Variants in ZFTRAF1 observed in about 807,000 individuals in gnomAD.
The protein encoded by ZFTRAF1 is zinc finger TRAF-type-containing protein 1.
the ZFTRAF1 span, chr8:144,454,637 G>A: frequency 2.0e-5 from 3 of 152,330 alleles, no homozygotes; most frequent in African/African-American, 7.2e-5. Flanking sequence ...TCTTGAGAAT[G>A]GGATGTGGTG....
the ZFTRAF1 span, chr8:144,453,453 T>C: frequency 1.3e-6 from 2 of 1,549,310 alleles, no homozygotes; most frequent in Non-Finnish European, 1.7e-6. Flanking sequence ...CAAGTGACCA[T>C]TAGTACACTG....
the ZFTRAF1 span, among the ~76,000 whole-genome samples, chr8:144,461,074 T>A: frequency 6.6e-6 from 1 of 151,886 alleles, no homozygotes; most frequent in Non-Finnish European, 1.5e-5. Context: ...GGAGGGTGGG[T>A]TAGAGCCAGT....
the ZFTRAF1 span, chr8:144,450,446 T>C: frequency 5.6e-6 from 4 of 718,022 alleles, no homozygotes. Context: ...CTTGTTGCAC[T>C]CCACGGAGTC....
the ZFTRAF1 span, chr8:144,453,496 C>CT: frequency 6.6e-7 from 1 of 1,524,218 alleles, no homozygotes; most frequent in South Asian, 1.2e-5. Context: ...GCTCACAGAC[C>CT]TGCGGGCTCA....
At chr8:144,453,152 G>T in the ZFTRAF1 span, 2 of 1,390,160 alleles carry the variant, frequency 1.4e-6, no homozygotes, top group Non-Finnish European at 2.0e-6. Flanking sequence ...ACAGGGCCCT[G>T]CTGCACCAGG....
the ZFTRAF1 span, chr8:144,450,522 C>T: frequency 9.7e-6 from 7 of 718,378 alleles, no homozygotes; most frequent in Non-Finnish European, 1.6e-5. Flanking sequence ...TGGTAGATGA[C>T]GGGGCTGATC....
chr8:144,452,108 G>A, the ZFTRAF1 span: 1 of 552,068 alleles, frequency 1.8e-6, no homozygotes, highest in Non-Finnish European at 3.3e-6. Context: ...GGGTGGCGAG[G>A]ACAGGTGGGC....
chr8:144,462,777 C>G, the ZFTRAF1 span: 2 of 151,426 alleles, frequency 1.3e-5, no homozygotes, highest in Non-Finnish European at 3.0e-5. Flanking sequence ...GCTCCCTGCG[C>G]CGCCGCCTCA....
chr8:144,452,645 C>T, the ZFTRAF1 span: 4 of 1,373,932 alleles, frequency 2.9e-6, no homozygotes, highest in African/African-American at 1.4e-5. Context: ...TCCCATATGG[C>T]TTCCATCCAG....
the ZFTRAF1 span, among the ~76,000 whole-genome samples, chr8:144,459,548 G>A: frequency 2.6e-5 from 4 of 152,256 alleles, no homozygotes; most frequent in Non-Finnish European, 4.4e-5. Flanking sequence ...TACGGGCACA[G>A]GCCCATGGGT....
chr8:144,460,010 G>GC, the ZFTRAF1 span, among the ~76,000 whole-genome samples: 2 of 152,216 alleles, frequency 1.3e-5, no homozygotes, highest in African/African-American at 4.8e-5. Flanking sequence ...GCAGAAGGCA[G>GC]CATGTGGGGG....
chr8:144,452,351 C>T, the ZFTRAF1 span: 21 of 1,547,498 alleles, frequency 1.4e-5, no homozygotes, highest in South Asian at 3.6e-5. Flanking sequence ...GGCGGCGGGG[C>T]GCCTCACCTG....
At chr8:144,455,956 A>C in the ZFTRAF1 span, 1 of 152,286 alleles carries the variant, frequency 6.6e-6, no homozygotes, top group Non-Finnish European at 1.5e-5. Flanking sequence ...TGGGGCCTCC[A>C]GATCCCAGCA....
At chr8:144,450,233 G>A in the ZFTRAF1 span, 1 of 607,892 alleles carries the variant, frequency 1.6e-6, no homozygotes, top group Admixed American at 2.7e-5. Context: ...GCGCACGCAT[G>A]CAGACTTGCC....
chr8:144,456,808 G>T, the ZFTRAF1 span: 1 of 150,870 alleles, frequency 6.6e-6, no homozygotes, highest in Non-Finnish European at 1.5e-5. Context: ...CATCACATGG[G>T]GGGATGACAT....
chr8:144,462,396 C>A, the ZFTRAF1 span: 1 of 429,868 alleles, frequency 2.3e-6, no homozygotes, highest in Non-Finnish European at 4.1e-6. Context: ...GCCGCCTCGG[C>A]CGCCTCGGCT....
At chr8:144,458,772 C>T in the ZFTRAF1 span, among the ~76,000 whole-genome samples, 4 of 152,262 alleles carry the variant, frequency 2.6e-5, no homozygotes, top group South Asian at 4.1e-4. Context: ...AAAGTGGGGG[C>T]GCTGCCTCTG....
the ZFTRAF1 span, chr8:144,462,135 G>A: frequency 8.4e-6 from 3 of 356,182 alleles, no homozygotes; most frequent in Non-Finnish European, 1.5e-5. Flanking sequence ...GAGCCCCGCT[G>A]GGCGAGGAAG....
At chr8:144,450,468 G>A in the ZFTRAF1 span, 2 of 718,376 alleles carry the variant, frequency 2.8e-6, no homozygotes, top group South Asian at 1.5e-5. Flanking sequence ...ATGATGGGCA[G>A]TGGCACGTAG....
Sources: gnomAD v4.1 joint callset for allele counts (sites outside exome capture counted in the v4.1 genomes callset) on GRCh38, gnomAD v4.1.1 for gene constraint, MANE v1.5 for transcripts, NCBI Gene and HGNC (gene_info 2026-07-23, HGNC 2026-07-21) for gene names.